The following PLPP1 variants were observed in gnomAD, a reference collection of about 807,000 sequenced individuals.
PLPP1 encodes lipid phosphate phosphohydrolase 1a.
In PLPP1, 24 loss-of-function variants were observed where a neutral mutation model predicts 31.2. The ratio of observed to expected loss-of-function variants is 0.77; its 90% CI spans 0.56 to 1.08. The LOEUF is 1.08. PLPP1 is among the 50% of genes least tolerant of loss of function. PLPP1 has a pLI of 0.00. For synonymous variants in PLPP1, 146 were observed against 126.3 expected, an observed-to-expected ratio of 1.16 and a Z score of -1.05; for missense variants, 319 against 342.7, an observed-to-expected ratio of 0.93 and a Z score of 0.55.
At chr5:55,445,503 T>G (rs1172292084) in intron 3 of PLPP1, among the ~76,000 whole-genome samples, 1 of 151,490 alleles carries the variant, frequency 6.6e-6, no homozygotes, top group African/African-American at 2.4e-5. Context: ...TTTAGCTGTT[T>G]TCATTTGAAA....
intron 1 of PLPP1, among the ~76,000 whole-genome samples, chr5:55,534,159 C>G (rs1171428706): frequency 1.3e-5 from 2 of 152,180 alleles, no homozygotes; most frequent in African/African-American, 4.8e-5. Flanking sequence ...CACGATAAAT[C>G]AGGCACTGGC....
chr5:55,464,121 C>T (rs1752231065), intron 3 of PLPP1, among the ~76,000 whole-genome samples: 1 of 151,572 alleles, frequency 6.6e-6, no homozygotes, highest in Admixed American at 6.6e-5. Context: ...CAAAAACTGG[C>T]CATTAATAAA....
intron 1 of PLPP1, among the ~76,000 whole-genome samples, chr5:55,477,715 T>C (rs752504028): frequency 5.9e-5 from 9 of 152,184 alleles, no homozygotes; most frequent in Non-Finnish European, 1.0e-4. Context: ...TAATCTAATT[T>C]AGTCTATACA....
intron 1 of PLPP1, among the ~76,000 whole-genome samples, chr5:55,501,969 AAAT>A (rs1753156272): frequency 1.3e-5 from 2 of 152,198 alleles, no homozygotes; most frequent in Admixed American, 1.3e-4. Flanking sequence ...AAATCTTATA[AAAT>A]AATGGCACTC....
intron 4 of PLPP1, among the ~76,000 whole-genome samples, chr5:55,427,356 C>T (rs1364459238): frequency 2.0e-5 from 3 of 152,138 alleles, no homozygotes; most frequent in Non-Finnish European, 4.4e-5. Context: ...TTATCAAGTA[C>T]TTAGTATAAA....
intron 1 of PLPP1, among the ~76,000 whole-genome samples, chr5:55,514,103 G>A (rs1021930811): frequency 7.9e-5 from 12 of 152,124 alleles, no homozygotes; most frequent in Non-Finnish European, 1.8e-4. Flanking sequence ...TAAATGGCCA[G>A]GCACATGGCT....
chr5:55,505,151 C>T (rs1203404936), intron 1 of PLPP1, among the ~76,000 whole-genome samples: 1 of 152,046 alleles, frequency 6.6e-6, no homozygotes, highest in East Asian at 1.9e-4. Context: ...TCCTTCTCTC[C>T]CTTACCTCCT....
At chr5:55,492,412 A>T (rs1173602270) in intron 1 of PLPP1, among the ~76,000 whole-genome samples, 2 of 152,224 alleles carry the variant, frequency 1.3e-5, no homozygotes, top group African/African-American at 4.8e-5. Context: ...ATACCATAAA[A>T]GGCAGAAATA....
Position 55,425,091 on chromosome 5 carries a change from G to C in PLPP1, c.*115C>G. 1 of 1,338,588 alleles carries C rather than the reference G, an allele frequency of 7.5e-7. No homozygotes were observed. The highest frequency in any genetic ancestry group is 1.0e-6 in the Non-Finnish European group (1 of 979,648). The allele number at this position is 1,338,588 out of a possible 1,614,324, so 82.9% of individuals were successfully genotyped here. Reference sequence around the variant, plus strand: ...AAGTGTGCATCCAAGAGGCATAGCAGCAGCAGAAGTCTTTAAAGGCTTGTA... The same window carrying C: ...AAGTGTGCATCCAAGAGGCATAGCACCAGCAGAAGTCTTTAAAGGCTTGTA... On this transcript the variant is annotated 3_prime_UTR_variant, in exon 6 of 6. Transcript: ENST00000307259.
At chr5:55,494,300 AG>A in intron 1 of PLPP1, among the ~76,000 whole-genome samples, 2 of 152,332 alleles carry the variant, frequency 1.3e-5, no homozygotes. Context: ...GATGCAGAGA[AG>A]AATGTTTTGA....
intron 4 of PLPP1, among the ~76,000 whole-genome samples, chr5:55,430,967 A>G (rs537113382): frequency 3.4e-4 from 52 of 152,318 alleles, no homozygotes; most frequent in African/African-American, 1.2e-3. Context: ...CAGTTTCAAC[A>G]ATAGACTGCA....
At chr5:55,521,751 C>T (rs887830981) in intron 1 of PLPP1, among the ~76,000 whole-genome samples, 4 of 152,030 alleles carry the variant, frequency 2.6e-5, no homozygotes, top group African/African-American at 7.2e-5. Flanking sequence ...TTCCCTTGAT[C>T]GAAAAATGCA....
At chr5:55,498,391 G>A (rs1216803668) in intron 1 of PLPP1, among the ~76,000 whole-genome samples, 1 of 109,532 alleles carries the variant, frequency 9.1e-6, no homozygotes, top group South Asian at 3.6e-4. Context: ...TCGTGTCTCT[G>A]TGTACATATA....
chr5:55,460,051 T>C (rs151196033), intron 3 of PLPP1, among the ~76,000 whole-genome samples: 125 of 152,364 alleles, frequency 8.2e-4, no homozygotes, highest in African/African-American at 2.9e-3. Context: ...ATGGACTGTT[T>C]ACGTTATTAA....
intron 3 of PLPP1, among the ~76,000 whole-genome samples, chr5:55,455,298 C>A (rs924616552): frequency 5.3e-5 from 8 of 152,102 alleles, no homozygotes; most frequent in African/African-American, 1.9e-4. Context: ...CACAAATAGA[C>A]CAGCTAGGCC....
At chr5:55,504,783 T>G (rs1387955373) in intron 1 of PLPP1, among the ~76,000 whole-genome samples, 3 of 151,810 alleles carry the variant, frequency 2.0e-5, no homozygotes, top group Non-Finnish European at 2.9e-5. Flanking sequence ...TATTTCCACT[T>G]TTGATATTTC....
intron 1 of PLPP1, chr5:55,484,875 AAAC>A (rs1752744485): frequency 6.6e-6 from 1 of 152,126 alleles, no homozygotes; most frequent in Non-Finnish European, 1.5e-5. Context: ...CTACATAATA[AAAC>A]TCTAATAAAA....
chr5:55,453,985 C>T (rs765187874), intron 3 of PLPP1, among the ~76,000 whole-genome samples: 5 of 151,988 alleles, frequency 3.3e-5, no homozygotes, highest in Admixed American at 6.6e-5. Flanking sequence ...TCAAAACAAA[C>T]GTAAGCAGCA....
intron 2 of PLPP1, among the ~76,000 whole-genome samples, chr5:55,473,621 C>T (rs1752468633): frequency 6.6e-6 from 1 of 151,732 alleles, no homozygotes; most frequent in Admixed American, 6.6e-5. Context: ...CTGGATACAA[C>T]TATATATATT....
Sources: gnomAD v4.1 joint callset for allele counts (sites outside exome capture counted in the v4.1 genomes callset) on GRCh38, gnomAD v4.1.1 for gene constraint, MANE v1.5 for transcripts, NCBI Gene and HGNC (gene_info 2026-07-23, HGNC 2026-07-21) for gene names.